TMPRSS15: variants seen among roughly 807,000 people sequenced by gnomAD.
TMPRSS15 encodes enteropeptidase.
TMPRSS15 carries 128 observed loss-of-function variants against 125.3 expected under a neutral mutation model. That is an observed-to-expected ratio of 1.02 (90% CI 0.89 to 1.18). The LOEUF (loss-of-function observed/expected upper bound fraction) is 1.18, where lower values mean the gene tolerates loss of function less well. Among genes scored for constraint, TMPRSS15 ranks in the 50% most tolerant of loss-of-function variants. The probability of loss-of-function intolerance (pLI) is 0.00; values close to 1 mark genes in which losing one functional copy is unlikely to be tolerated. For missense variants in TMPRSS15, 1,283 were observed against 1,212.7 expected (o/e 1.06, Z -0.86); for synonymous variants, 446 against 423.2 (o/e 1.05, Z -0.66).
chr21:18,434,011 G>T (rs1331874931), intron 1 of TMPRSS15, among the ~76,000 whole-genome samples: 2 of 152,178 alleles, frequency 1.3e-5, no homozygotes, highest in Admixed American at 1.3e-4. Flanking sequence ...CAGGGGTAAG[G>T]AGCTCTTTCA....
At chr21:18,359,998 G>T (rs1419087757) in intron 7 of TMPRSS15, 135 bp from the exon 8 acceptor site, 2 of 558,566 alleles carry the variant, frequency 3.6e-6, no homozygotes, top group Non-Finnish European at 3.3e-6. Flanking sequence ...ATTTTTAAGT[G>T]TACAGTGCAG....
intron 3 of TMPRSS15, among the ~76,000 whole-genome samples, chr21:18,385,621 G>T (rs1346406140): frequency 3.3e-5 from 5 of 152,178 alleles, no homozygotes. Flanking sequence ...TGAGGCCATG[G>T]TTGATAAGCC....
chr21:18,473,124 A>G (rs987605814), intron 1 of TMPRSS15, among the ~76,000 whole-genome samples: 7 of 152,100 alleles, frequency 4.6e-5, no homozygotes, highest in African/African-American at 1.4e-4. Flanking sequence ...CCTTATCTAA[A>G]GCTGAGTTCC....
chr21:18,300,386 G>A (rs1325480026), intron 18 of TMPRSS15, among the ~76,000 whole-genome samples: 2 of 147,530 alleles, frequency 1.4e-5, no homozygotes, highest in African/African-American at 5.0e-5. Flanking sequence ...CTGTTGCCTA[G>A]GCTGGAGTGC....
intron 1 of TMPRSS15, among the ~76,000 whole-genome samples, chr21:18,459,601 CT>C (rs1978513476): frequency 1.3e-5 from 2 of 152,124 alleles, no homozygotes; most frequent in Non-Finnish European, 2.9e-5. Context: ...GTTACTGTTT[CT>C]TTAAAGCAAA....
intron 8 of TMPRSS15, among the ~76,000 whole-genome samples, chr21:18,354,358 G>A (rs1364645452): frequency 6.6e-6 from 1 of 151,494 alleles, no homozygotes; most frequent in African/African-American, 2.4e-5. Flanking sequence ...ACTTAAGATT[G>A]TTTCTACAGC....
chr21:18,397,069 C>A (rs1314039750), intron 3 of TMPRSS15, among the ~76,000 whole-genome samples: 1 of 151,920 alleles, frequency 6.6e-6, no homozygotes, highest in African/African-American at 2.4e-5. Flanking sequence ...GAATCCTCTC[C>A]CTTTGTCTTT....
chr21:18,472,121 A>T (rs1978790794), intron 1 of TMPRSS15, among the ~76,000 whole-genome samples: 1 of 150,224 alleles, frequency 6.7e-6, no homozygotes, highest in East Asian at 1.9e-4. Flanking sequence ...ATCAAGATGG[A>T]AAGTTTAGGT....
At chr21:18,380,242 T>C (rs961399747) in intron 4 of TMPRSS15, among the ~76,000 whole-genome samples, 1 of 151,502 alleles carries the variant, frequency 6.6e-6, no homozygotes, top group African/African-American at 2.4e-5. Context: ...CACACTCATA[T>C]ATCTCTCATA....
intron 1 of TMPRSS15, 92 bp downstream of exon 1, chr21:18,403,386 G>A (rs1020613281): frequency 7.6e-5 from 117 of 1,530,226 alleles, no homozygotes; most frequent in Middle Eastern, 1.7e-4. Flanking sequence ...CATTTAGTTG[G>A]CAATGAATAA....
chr21:18,446,670 C>T (rs1009147799), intron 1 of TMPRSS15, among the ~76,000 whole-genome samples: 9 of 152,028 alleles, frequency 5.9e-5, no homozygotes, highest in East Asian at 1.9e-4. Flanking sequence ...TCAACAGGCA[C>T]GGAAAACACA....
chr21:18,477,555 A>G (rs1054217349), intron 1 of TMPRSS15: 1 of 152,080 alleles, frequency 6.6e-6, no homozygotes, highest in African/African-American at 2.4e-5. Context: ...GGAGTAGAGA[A>G]GGGACTCATG....
chr21:18,413,962 A>G (rs2076174031), intron 1 of TMPRSS15, among the ~76,000 whole-genome samples: 1 of 152,186 alleles, frequency 6.6e-6, no homozygotes, highest in Admixed American at 6.5e-5. Context: ...ATTTGTTTAC[A>G]AAGTGCTTAC....
chr21:18,350,771 A>G (rs2147002199), intron 10 of TMPRSS15, among the ~76,000 whole-genome samples: 1 of 151,576 alleles, frequency 6.6e-6, no homozygotes, highest in Non-Finnish European at 1.5e-5. Flanking sequence ...TATATATATA[A>G]TTTCCTATTC....
intron 18 of TMPRSS15, among the ~76,000 whole-genome samples, chr21:18,299,656 A>G (rs1051271112): frequency 6.6e-6 from 1 of 152,120 alleles, no homozygotes; most frequent in South Asian, 2.1e-4. Flanking sequence ...TAGTTTCCTC[A>G]TTCAGCTGAA....
At chr21:18,476,843 T>C (rs753502624) in intron 1 of TMPRSS15, among the ~76,000 whole-genome samples, 14 of 152,080 alleles carry the variant, frequency 9.2e-5, no homozygotes, top group Non-Finnish European at 1.9e-4. Flanking sequence ...GCCATTAATT[T>C]GCAGAAGTCA....
intron 18 of TMPRSS15, among the ~76,000 whole-genome samples, chr21:18,298,325 A>C (rs2074929902): frequency 6.6e-6 from 1 of 152,144 alleles, no homozygotes; most frequent in East Asian, 1.9e-4. Context: ...TTCAGTGTTT[A>C]ATTTTGCTTT....
intron 1 of TMPRSS15, among the ~76,000 whole-genome samples, chr21:18,427,310 A>G (rs996536178): frequency 1.3e-5 from 2 of 152,130 alleles, no homozygotes; most frequent in African/African-American, 4.8e-5. Flanking sequence ...GCTTTTTTAG[A>G]ATTATAGTCA....
chr21:18,348,885 A>C (rs982713136), intron 10 of TMPRSS15, among the ~76,000 whole-genome samples: 1 of 152,198 alleles, frequency 6.6e-6, no homozygotes, highest in Non-Finnish European at 1.5e-5. Flanking sequence ...GCCATTTTTC[A>C]GAGTTTTTTT....
Sources: allele counts gnomAD v4.1 joint callset (sites outside exome capture counted in the v4.1 genomes callset), GRCh38; gene constraint gnomAD v4.1.1; transcripts MANE v1.5; gene names NCBI Gene and HGNC (gene_info 2026-07-23, HGNC 2026-07-21).